Variants in LRP5 observed in about 807,000 individuals in gnomAD.
The protein encoded by LRP5 is low-density lipoprotein receptor-related protein 5.
Under a neutral mutation model 154.1 loss-of-function variants are expected in LRP5, and 62 were observed. The ratio of observed to expected loss-of-function variants is 0.40; its 90% CI spans 0.33 to 0.50. The LOEUF is 0.50. Among genes scored for constraint, LRP5 ranks in the 20% least tolerant of loss-of-function variants. The pLI is 0.55. For synonymous variants in LRP5, 966 were observed against 1,011.5 expected (o/e 0.96, Z 0.85); for missense variants, 1,915 against 2,336.7 (o/e 0.82, Z 3.72).
At chr11:68,401,959 C>A (rs1265199353) in intron 7 of LRP5, among the ~76,000 whole-genome samples, 1 of 152,172 alleles carries the variant, frequency 6.6e-6, no homozygotes, top group African/African-American at 2.4e-5. Flanking sequence ...TCCCAAAGTG[C>A]TAGGATTACA....
chr11:68,445,136 G>T (rs938271240), intron 21 of LRP5, among the ~76,000 whole-genome samples: 4 of 151,932 alleles, frequency 2.6e-5, no homozygotes, highest in Non-Finnish European at 5.9e-5. Flanking sequence ...GTCTCACTCT[G>T]TTGCCCAGGC....
At chr11:68,397,594 C>T (rs550469243) in intron 7 of LRP5, among the ~76,000 whole-genome samples, 247 of 152,288 alleles carry the variant, frequency 1.6e-3, no homozygotes, top group African/African-American at 5.4e-3. Context: ...AAGCTGTGGC[C>T]CTTGTATGCC....
chr11:68,386,820 C>A lies in LRP5; in HGVS notation c.1412+108C>A. ...TGGGACACTGTCTTGCATCAGAACC[C>A]GGAGGAGGGCTTGTTAAAACACCGG... On this transcript the variant is annotated intron_variant, in intron 6 of 22. Coordinates refer to ENST00000294304, the MANE Select transcript of LRP5 (RefSeq NM_002335.4). The surrounding 1 kb of genome is among the most constrained non-coding windows in gnomAD (Gnocchi z 7.9). 7.7e-7 allele frequency: 1 copy of A among 1,292,952 alleles called. No individual in the cohort carries two copies. Among genetic ancestry groups the A allele is most frequent in the South Asian group, 1.5e-5 (1 of 67,524 alleles). The allele number at this position is 1,292,952 out of a possible 1,614,324, so 80.1% of individuals were successfully genotyped here.
chr11:68,370,361 G>A (rs1235338073), intron 5 of LRP5, among the ~76,000 whole-genome samples: 1 of 152,010 alleles, frequency 6.6e-6, no homozygotes, highest in Admixed American at 6.6e-5. Context: ...GCGGGGGAGA[G>A]GGGGGGACAG....
At chr11:68,305,917 G>C in the LRP5 span, among the ~76,000 whole-genome samples, 1 of 152,224 alleles carries the variant, frequency 6.6e-6, no homozygotes, top group Non-Finnish European at 1.5e-5. Flanking sequence ...AACAACAGCA[G>C]TTGATTATCT....
intron 1 of LRP5, among the ~76,000 whole-genome samples, chr11:68,319,180 G>A (rs371715217): frequency 5.3e-5 from 8 of 151,004 alleles, no homozygotes; most frequent in African/African-American, 2.0e-4. Flanking sequence ...TGGTTCAAGC[G>A]ATTCTTGTGC....
chr11:68,371,090 C>T (rs1228806627), intron 5 of LRP5, among the ~76,000 whole-genome samples: 2 of 152,128 alleles, frequency 1.3e-5, no homozygotes, highest in African/African-American at 2.4e-5. Flanking sequence ...GCTCCTCCGT[C>T]TCCCTGCCCT....
chr11:68,405,016 T>C (rs2098654789), intron 8 of LRP5, among the ~76,000 whole-genome samples: 2 of 149,820 alleles, frequency 1.3e-5, no homozygotes, highest in African/African-American at 4.9e-5. Context: ...AAAATTAGTC[T>C]GGGTGTGGTA....
chr11:68,431,033 G>A (rs1221714503), intron 17 of LRP5, among the ~76,000 whole-genome samples: 2 of 152,212 alleles, frequency 1.3e-5, no homozygotes, highest in Non-Finnish European at 2.9e-5. Flanking sequence ...TGCCATGGGT[G>A]TGGCAGTAGT....
rs17848266 is a variant in LRP5 at position 68,411,263 on chromosome 11, A to G, written c.2319-173A>G. ...GCGCAGTGACCACCCCTGGAGGGAT[A>G]TGTGTGTGGCAGGGGTCGAGGGTCT... is the stretch of plus-strand genomic sequence containing the variant. On this transcript the variant is annotated intron_variant, in intron 10 of 22. Coordinates refer to ENST00000294304, the MANE Select transcript of LRP5 (RefSeq NM_002335.4). 0.064 allele frequency among the ~76,000 whole-genome samples: 9,675 copies of G among 152,234 alleles called. 372 individuals carry two copies. The highest frequency in any genetic ancestry group is 0.16 in the Middle Eastern group (46 of 294).
intron 7 of LRP5, 54 bp from the exon 8 acceptor site, chr11:68,403,429 C>G (rs1269999723): frequency 6.5e-7 from 1 of 1,543,548 alleles, no homozygotes; most frequent in East Asian, 2.2e-5. Flanking sequence ...TCCGGGTTGG[C>G]TCTCGTTGGT....
At chr11:68,379,011 C>T (rs2098638910) in intron 5 of LRP5, among the ~76,000 whole-genome samples, 1 of 151,540 alleles carries the variant, frequency 6.6e-6, no homozygotes, top group Admixed American at 6.6e-5. Context: ...CACGCCACTG[C>T]ACTCCAGCCT....
At chr11:68,370,147 G>T (rs1591238915) in intron 5 of LRP5, among the ~76,000 whole-genome samples, 1 of 152,132 alleles carries the variant, frequency 6.6e-6, no homozygotes, top group East Asian at 1.9e-4. Context: ...ACCAGAAGAG[G>T]CAGGGGCTAT....
intron 2 of LRP5, among the ~76,000 whole-genome samples, chr11:68,349,425 T>C (rs1287131803): frequency 6.6e-6 from 1 of 152,180 alleles, no homozygotes; most frequent in Non-Finnish European, 1.5e-5. Flanking sequence ...TTGCTGTGTG[T>C]ATGGTGGGCG....
chr11:68,324,031 GGTC>G (rs2098598253), intron 1 of LRP5, among the ~76,000 whole-genome samples: 1 of 152,244 alleles, frequency 6.6e-6, no homozygotes, highest in Admixed American at 6.5e-5. Flanking sequence ...AAGAGCGAGT[GGTC>G]AGGGACTCCT....
chr11:68,397,649 TC>T (rs2098650191), intron 7 of LRP5, among the ~76,000 whole-genome samples: 1 of 32,800 alleles, frequency 3.0e-5, no homozygotes, highest in Admixed American at 4.5e-4. Flanking sequence ...CCCATCACCG[TC>T]GTCATCATCA....
intron 16 of LRP5, among the ~76,000 whole-genome samples, chr11:68,428,653 C>T (rs1042975967): frequency 2.0e-5 from 3 of 151,220 alleles, no homozygotes; most frequent in Non-Finnish European, 2.9e-5. Context: ...CCAAATCATC[C>T]GAGATGACCT....
rs372337584 is a variant in LRP5 at position 68,386,403 on chromosome 11, A to G, written c.1103A>G (p.Gln368Arg). The G allele has an allele frequency of 3.1e-6, 5 of 1,613,956 alleles. No individual in the cohort carries two copies. In the African/African-American group the frequency reaches 4.0e-5, roughly 13 times the overall value. The stretch of plus-strand genomic sequence containing the variant: ...CCGGACTTCACCGACATCGTGCTGC[A>G]GGTGGACGACATCCGGCACGCCATT... Reference protein sequence around the residue: ...DTPDFTDIVLQVDDIRHAIAI... With the variant: ...DTPDFTDIVLRVDDIRHAIAI... The change falls in exon 6 of 23, where the codon CAG (glutamine) becomes CGG (arginine). Residue 368 changes from glutamine to arginine, a missense_variant. This residue lies in a region of LRP5 where 773 missense variants were observed against 1,100.9 expected (regional missense o/e 0.70). Coordinates refer to ENST00000294304, the MANE Select transcript of LRP5 (RefSeq NM_002335.4). This position sits in a 1 kb window ranked among gnomAD's most constrained non-coding sequence, Gnocchi z 7.9.
In LRP5 at chr11:68,416,428, G is replaced by T; in HGVS notation, c.2928G>T (p.Leu976=). 6.2e-7 allele frequency: 1 copy of T among 1,614,204 alleles called. No homozygotes were observed. Among genetic ancestry groups the T allele is most frequent in the Non-Finnish European group, 8.5e-7 (1 of 1,180,034 alleles). The change falls in exon 13 of 23, where the codon CTG becomes CTT. Residue 976 remains leucine (L), a synonymous_variant. Coordinates refer to ENST00000294304, the MANE Select transcript of LRP5 (RefSeq NM_002335.4). ...ATCTCATCCTGCCCCTGCATGGACT[G>T]AGGAACGTCAAAGCCATCGACTATG... is the stretch of plus-strand genomic sequence containing the variant. ...SPDLILPLHG[L]RNVKAIDYDP... is the part of the protein sequence containing the mutation.
Sources: allele counts gnomAD v4.1 joint callset (sites outside exome capture counted in the v4.1 genomes callset), GRCh38; gene constraint gnomAD v4.1.1; regional missense constraint gnomAD v4.1.1; non-coding constraint Gnocchi (gnomAD v3.1); transcripts MANE v1.5; gene names NCBI Gene and HGNC (gene_info 2026-07-23, HGNC 2026-07-21).